NEMP2: variants seen among roughly 807,000 people sequenced by gnomAD.
The protein encoded by NEMP2 is nuclear envelope integral membrane protein 2, also known as UPF0571 transmembrane protein.
NEMP2 carries 53 observed loss-of-function variants against 54.2 expected under a neutral mutation model. That is an observed-to-expected ratio of 0.98 (90% CI 0.78 to 1.23). The LOEUF is 1.23. NEMP2 is among the 50% of genes most tolerant of loss of function. The pLI, the probability that NEMP2 is intolerant of heterozygous loss-of-function variation, is 0.00. For synonymous variants in NEMP2, 197 were observed against 190.3 expected, an observed-to-expected ratio of 1.04 and a Z score of -0.29; for missense variants, 455 against 511.3, an observed-to-expected ratio of 0.89 and a Z score of 1.06.
the NEMP2 span, among the ~76,000 whole-genome samples, chr2:190,492,969 A>T: frequency 1.3e-5 from 2 of 151,020 alleles, no homozygotes; most frequent in African/African-American, 4.9e-5. The surrounding 1 kb of genome is among the most constrained non-coding windows in gnomAD (Gnocchi z 5.2). Flanking sequence ...AATACAATTA[A>T]AAAAAAAAGC....
chr2:190,524,333 G>A (rs1320243104), intron 2 of NEMP2, among the ~76,000 whole-genome samples: 2 of 151,960 alleles, frequency 1.3e-5, no homozygotes, highest in South Asian at 4.2e-4. Flanking sequence ...TGATGAGGAA[G>A]AGGTTATCTA....
chr2:190,421,457 T>G, the NEMP2 span, among the ~76,000 whole-genome samples: 2 of 150,286 alleles, frequency 1.3e-5, no homozygotes, highest in East Asian at 2.0e-4. Context: ...GTGAGAGTTA[T>G]GGATGTATGA....
chr2:190,488,873 C>T, the NEMP2 span: 32 of 1,433,590 alleles, frequency 2.2e-5, no homozygotes, highest in Middle Eastern at 3.8e-4. The surrounding 1 kb of genome is among the most constrained non-coding windows in gnomAD (Gnocchi z 6.4). Context: ...ATGATTTTTT[C>T]CAGCAATACC....
the NEMP2 span, among the ~76,000 whole-genome samples, chr2:190,431,184 G>A: frequency 1.3e-5 from 2 of 151,752 alleles, no homozygotes; most frequent in South Asian, 2.1e-4. This position sits in a 1 kb window ranked among gnomAD's most constrained non-coding sequence, Gnocchi z 4.4. Context: ...TCCCAGATGG[G>A]ATGGTGGCCG....
At chr2:190,434,491 A>G in the NEMP2 span, among the ~76,000 whole-genome samples, 4 of 152,134 alleles carry the variant, frequency 2.6e-5, no homozygotes, top group Admixed American at 2.6e-4. This position sits in a 1 kb window ranked among gnomAD's most constrained non-coding sequence, Gnocchi z 4.3. Flanking sequence ...GCTGGAGTGC[A>G]GTGGCGCAAT....
At chr2:190,594,127 C>A in the NEMP2 span, among the ~76,000 whole-genome samples, 2 of 152,100 alleles carry the variant, frequency 1.3e-5, no homozygotes, top group Non-Finnish European at 2.9e-5. The surrounding 1 kb of genome is among the most constrained non-coding windows in gnomAD (Gnocchi z 5.6). Context: ...GCTTTTGTTC[C>A]CTGAATATAG....
chr2:190,434,716 G>A, the NEMP2 span, among the ~76,000 whole-genome samples: 13 of 152,182 alleles, frequency 8.5e-5, no homozygotes, highest in African/African-American at 3.1e-4. This position sits in a 1 kb window ranked among gnomAD's most constrained non-coding sequence, Gnocchi z 4.3. Flanking sequence ...ACAGGTGTGA[G>A]CCACCGCGCC....
the NEMP2 span, among the ~76,000 whole-genome samples, chr2:190,603,429 A>G: frequency 2.0e-5 from 3 of 151,574 alleles, no homozygotes; most frequent in African/African-American, 7.3e-5. Context: ...GGGAAATAAT[A>G]AATATATTTG....
chr2:190,534,526 A>ACG (rs1285710000), intron 1 of NEMP2, 33 bp downstream of exon 1: 70 of 1,375,822 alleles, frequency 5.1e-5, no homozygotes, highest in East Asian at 6.2e-5. Context: ...GCGAGCACGC[A>ACG]CGCGCGCGCC....
At chr2:190,582,237 G>A in the NEMP2 span, among the ~76,000 whole-genome samples, 1 of 152,168 alleles carries the variant, frequency 6.6e-6, no homozygotes, top group Admixed American at 6.6e-5. This position sits in a 1 kb window ranked among gnomAD's most constrained non-coding sequence, Gnocchi z 4.6. Flanking sequence ...AGAGGCTTCA[G>A]GGTTTACTGT....
chr2:190,645,380 T>C, the NEMP2 span, among the ~76,000 whole-genome samples: 2 of 152,318 alleles, frequency 1.3e-5, no homozygotes, highest in African/African-American at 4.8e-5. Flanking sequence ...AAAAATCTAA[T>C]ATGAATTACT....
chr2:190,535,272 T>A (rs138008300), upstream of NEMP2, among the ~76,000 whole-genome samples: 1 of 152,350 alleles, frequency 6.6e-6, no homozygotes, highest in East Asian at 1.9e-4. Flanking sequence ...ATTTGGCCGC[T>A]TAAGTAACAC....
At chr2:190,526,706 G>C (rs963576436) in intron 1 of NEMP2, among the ~76,000 whole-genome samples, 2 of 152,052 alleles carry the variant, frequency 1.3e-5, no homozygotes, top group African/African-American at 4.8e-5. Flanking sequence ...AGAAATACTA[G>C]AAAAAAAGCA....
At chr2:190,460,370 T>C in the NEMP2 span, among the ~76,000 whole-genome samples, 1 of 152,264 alleles carries the variant, frequency 6.6e-6, no homozygotes, top group African/African-American at 2.4e-5. Flanking sequence ...CACTTATTCC[T>C]ATACCATAAT....
At chr2:190,485,423 C>T in the NEMP2 span, among the ~76,000 whole-genome samples, 2 of 152,030 alleles carry the variant, frequency 1.3e-5, no homozygotes, top group East Asian at 1.9e-4. This position sits in a 1 kb window ranked among gnomAD's most constrained non-coding sequence, Gnocchi z 5.1. Context: ...TTCGGTAATT[C>T]ATCTTTAAGA....
chr2:190,443,449 CT>C, the NEMP2 span, among the ~76,000 whole-genome samples: 3 of 152,124 alleles, frequency 2.0e-5, no homozygotes, highest in Non-Finnish European at 4.4e-5. This position sits in a 1 kb window ranked among gnomAD's most constrained non-coding sequence, Gnocchi z 4.2. Flanking sequence ...GCTTATTTTA[CT>C]TTTTTTCTGT....
chr2:190,647,957 G>A, the NEMP2 span, among the ~76,000 whole-genome samples: 21 of 151,982 alleles, frequency 1.4e-4, no homozygotes, highest in African/African-American at 5.1e-4. Context: ...CAGGTGATCC[G>A]CCCGCCTCGG....
chr2:190,619,558 G>A, the NEMP2 span, among the ~76,000 whole-genome samples: 27 of 152,104 alleles, frequency 1.8e-4, no homozygotes, highest in Admixed American at 1.3e-3. The surrounding 1 kb of genome is among the most constrained non-coding windows in gnomAD (Gnocchi z 5.5). Flanking sequence ...ACTTGGCTCT[G>A]AAATCATGAG....
chr2:190,544,725 TA>T, the NEMP2 span, among the ~76,000 whole-genome samples: 1 of 151,968 alleles, frequency 6.6e-6, no homozygotes, highest in African/African-American at 2.4e-5. Context: ...GTTGAACAAA[TA>T]CAGTGCATCT....
Sources: allele counts gnomAD v4.1 joint callset (sites outside exome capture counted in the v4.1 genomes callset), GRCh38; gene constraint gnomAD v4.1.1; non-coding constraint Gnocchi (gnomAD v3.1); transcripts MANE v1.5; gene names NCBI Gene and HGNC (gene_info 2026-07-23, HGNC 2026-07-21).